FNDC1: variants seen among roughly 807,000 people sequenced by gnomAD.
FNDC1 encodes fibronectin type III domain-containing protein 1.
FNDC1 carries 96 observed loss-of-function variants against 168.0 expected under a neutral mutation model. The ratio of observed to expected loss-of-function variants is 0.57; its 90% CI spans 0.48 to 0.68. FNDC1 has a LOEUF of 0.68. FNDC1 is among the 30% of genes least tolerant of loss of function. The pLI, the probability that FNDC1 is intolerant of heterozygous loss-of-function variation, is 0.00. For missense variants in FNDC1, 2,587 were observed against 2,482.1 expected, an observed-to-expected ratio of 1.04 and a Z score of -0.90; for synonymous variants, 1,099 against 1,025.9, an observed-to-expected ratio of 1.07 and a Z score of -1.36.
rs555110829 is a variant in FNDC1 at position 159,265,948 on chromosome 6, A to C, written c.5285-136A>C. 3 of 855,932 alleles carry C rather than the reference A, an allele frequency of 3.5e-6. No individual in the cohort carries two copies. The Admixed American group carries it at 1.1e-4, about 30-fold the overall frequency. The allele number at this position is 855,932 out of a possible 1,614,324, so 53.0% of individuals were successfully genotyped here. ...ATCAAAAACAAACAAACAAACAACA[A>C]CACAAACAAACAAACAAACAAAAAG... is the stretch of plus-strand genomic sequence containing the variant. On this transcript the variant is annotated intron_variant, in intron 20 of 22. Transcript: ENST00000297267.
At chr6:159,237,623 T>C (rs922544759) in intron 12 of FNDC1, among the ~76,000 whole-genome samples, 1 of 152,234 alleles carries the variant, frequency 6.6e-6, no homozygotes, top group Non-Finnish European at 1.5e-5. Context: ...ATGGAAAGAT[T>C]TTATGTCTTT....
At chr6:159,177,231 G>T (rs542300186) in intron 1 of FNDC1, among the ~76,000 whole-genome samples, 1 of 152,180 alleles carries the variant, frequency 6.6e-6, no homozygotes, top group South Asian at 2.1e-4. Flanking sequence ...AGTTTACTGA[G>T]ACTTTCACTA....
intron 17 of FNDC1, among the ~76,000 whole-genome samples, chr6:159,254,278 G>C (rs950822463): frequency 1.3e-5 from 2 of 152,104 alleles, no homozygotes; most frequent in African/African-American, 4.8e-5. Flanking sequence ...CTCAAGGCTT[G>C]GTCCTGGGGC....
rs1156330153 is a variant in FNDC1 at position 159,236,353 on chromosome 6, T to G, written c.4068+38T>G. The G allele has an allele frequency of 2.1e-6, 3 of 1,424,936 alleles. No individual in the cohort carries two copies. In the Admixed American group the frequency reaches 5.2e-5, roughly 25 times the overall value. The allele number at this position is 1,424,936 out of a possible 1,614,324, so 88.3% of individuals were successfully genotyped here. A position where few individuals can be genotyped will look rare whatever the true frequency, so the allele number is the denominator to read the frequency against. The stretch of plus-strand genomic sequence containing the variant: ...TCTTTACACATCCCCGTTGTTTTCA[T>G]GCTGTTGAGAAGAGAAAAATGGTGG... On this transcript the variant is annotated intron_variant, in intron 12 of 22. Coordinates refer to ENST00000297267, the MANE Select transcript of FNDC1 (RefSeq NM_032532.3).
At position 159,238,574 on chromosome 6, in the gene FNDC1, G is replaced by A; in HGVS notation, c.4089G>A (p.Gly1363=). 6.2e-7 allele frequency: 1 copy of A among 1,611,046 alleles called. No homozygotes were observed. Among genetic ancestry groups the A allele is most frequent in the Admixed American group, 1.7e-5 (1 of 59,704 alleles). The change falls in exon 13 of 23, where the codon GGG becomes GGA. Residue 1363 remains glycine (G), a synonymous_variant. Transcript: ENST00000297267. ...TTTAGGTTGTGGACCTTGATCGTGG[G>A]TTAGTATTGAATGCAGAAGGAAGGT... The part of the protein sequence containing the change: ...GTKWVVDLDR[G]LVLNAEGRYL...
At chr6:159,179,540 C>A (rs1024970588) in intron 1 of FNDC1, among the ~76,000 whole-genome samples, 4 of 152,230 alleles carry the variant, frequency 2.6e-5, no homozygotes, top group Non-Finnish European at 5.9e-5. Flanking sequence ...TCTCAAGAGG[C>A]CTTCTGGACT....
chr6:159,232,594 C>T lies in FNDC1; in HGVS notation c.2082C>T (p.Ala694=). The change falls in exon 11 of 23, where the codon GCC becomes GCT. Residue 694 remains alanine, a synonymous_variant. Coordinates refer to ENST00000297267, the MANE Select transcript of FNDC1 (RefSeq NM_032532.3). The surrounding 1 kb of genome is among the most constrained non-coding windows in gnomAD (Gnocchi z 4.9). ...CTGTGCACCCCGGCGCAAAGCCAGCCTCGCCGGCCCGGAGGACCCCCCATT... is the reference window on the plus strand; with the variant it reads ...CTGTGCACCCCGGCGCAAAGCCAGCTTCGCCGGCCCGGAGGACCCCCCATT... The part of the protein sequence containing the change: ...RSSVHPGAKP[A]SPARRTPHSG... The T allele has an allele frequency of 1.2e-6, 2 of 1,608,118 alleles. No individual in the cohort carries two copies. The highest frequency in any genetic ancestry group is 1.1e-5 in the South Asian group (1 of 90,464).
chr6:159,198,634 C>T (rs970557646), intron 2 of FNDC1, among the ~76,000 whole-genome samples: 1 of 152,218 alleles, frequency 6.6e-6, no homozygotes, highest in Non-Finnish European at 1.5e-5. Flanking sequence ...CAGATCATAT[C>T]TCCTTGCTCA....
chr6:159,191,575 C>G (rs886188356), intron 1 of FNDC1, among the ~76,000 whole-genome samples: 3 of 152,164 alleles, frequency 2.0e-5, no homozygotes, highest in Non-Finnish European at 4.4e-5. Context: ...ACTTCATTAT[C>G]TACAACGATT....
In FNDC1 at chr6:159,249,851, T is replaced by C. The variant is rs181170024; in HGVS notation, c.4834+669T>C. Among the ~76,000 whole-genome samples, 8 of 152,348 alleles carry C rather than the reference T, an allele frequency of 5.3e-5. No individual in the cohort carries two copies. The East Asian group carries it at 1.5e-3, about 29-fold the overall frequency. On this transcript the variant is annotated intron_variant, in intron 16 of 22. Coordinates refer to ENST00000297267, the MANE Select transcript of FNDC1 (RefSeq NM_032532.3). ...GGAGACAAGCAACAGCTTAAACTAA[T>C]ATCACACTTTTCTGTTTCCAAAACA...
rs1341455305 is a variant in FNDC1, at chr6:159,232,375, C to G, written c.1863C>G (p.Ala621=). Residue 621 remains alanine (A), a synonymous_variant, in exon 11 of 23, where the codon GCC becomes GCG. Coordinates refer to ENST00000297267, the MANE Select transcript of FNDC1 (RefSeq NM_032532.3). This position sits in a 1 kb window ranked among gnomAD's most constrained non-coding sequence, Gnocchi z 4.9. ...GAPPSASASP[A]HHASTQGTSH... is the part of the protein sequence containing the mutation. ...CCCCCTCGGCTTCGGCCTCTCCTGC[C>G]CACCACGCGTCCACCCAGGGCACCT... 2.5e-6 allele frequency: 4 copies of G among 1,613,462 alleles called. No individual in the cohort carries two copies. The highest frequency in any genetic ancestry group is 1.6e-4 in the Middle Eastern group (1 of 6,084).
At chr6:159,244,112 A>G (rs1369726601) in intron 14 of FNDC1, among the ~76,000 whole-genome samples, 1 of 152,252 alleles carries the variant, frequency 6.6e-6, no homozygotes, top group African/African-American at 2.4e-5. Context: ...AATGAAAAGA[A>G]ATGACACTGA....
At chr6:159,177,280 TGAA>T (rs1781780737) in intron 1 of FNDC1, among the ~76,000 whole-genome samples, 1 of 152,166 alleles carries the variant, frequency 6.6e-6, no homozygotes, top group Admixed American at 6.5e-5. Context: ...GTGCCACTCT[TGAA>T]GAAGTGTGGA....
Position 159,169,896 on chromosome 6 carries a change from C to G in FNDC1, c.109+191C>G, listed in dbSNP as rs1781614684. 1 of 234,512 alleles carries G rather than the reference C, an allele frequency of 4.3e-6. No individual in the cohort carries two copies. The highest frequency in any genetic ancestry group is 2.3e-5 in the African/African-American group (1 of 43,512). The allele number at this position is 234,512 out of a possible 1,614,324, so 14.5% of individuals were successfully genotyped here. A position where few individuals can be genotyped will look rare whatever the true frequency, so the allele number is the denominator to read the frequency against. ...CGGGGACGCCTCGGTGCCCGGGGAC[C>G]GCAGCGCGCTGGCGTTTAACTTTGC... On this transcript the variant is annotated intron_variant, in intron 1 of 22. Transcript: ENST00000297267. The surrounding 1 kb of genome is among the most constrained non-coding windows in gnomAD (Gnocchi z 6.8).
chr6:159,194,108 C>T (rs1782193657), intron 1 of FNDC1, among the ~76,000 whole-genome samples: 1 of 152,226 alleles, frequency 6.6e-6, no homozygotes, highest in South Asian at 2.1e-4. Context: ...TACCATCTGT[C>T]TCCACTCAAA....
intron 17 of FNDC1, among the ~76,000 whole-genome samples, chr6:159,252,177 G>A (rs187940163): frequency 6.6e-6 from 1 of 152,260 alleles, no homozygotes; most frequent in East Asian, 1.9e-4. Context: ...TGAAATTTAA[G>A]TTCTTATGGA....
chr6:159,251,997 CCTCTTT>C (rs1186228672), intron 17 of FNDC1, among the ~76,000 whole-genome samples: 1 of 152,170 alleles, frequency 6.6e-6, no homozygotes, highest in African/African-American at 2.4e-5. Flanking sequence ...TGTGCCTCTG[CCTCTTT>C]CTCTCCTTTC....
At position 159,239,739 on chromosome 6, in the gene FNDC1, C is replaced by T; in HGVS notation, c.4403C>T (p.Pro1468Leu). 5 of 1,546,048 alleles carry T rather than the reference C, an allele frequency of 3.2e-6. No homozygotes were observed. Among genetic ancestry groups the T allele is most frequent in the East Asian group, 2.4e-5 (1 of 40,858 alleles). Residue 1468 changes from proline (P) to leucine (L), a missense_variant, in exon 14 of 23, where the codon CCC (proline) becomes CTC (leucine). Transcript: ENST00000297267. ...TPLPTTTTPRPTTATTRRTTT... is the reference protein window; with the variant it reads ...TPLPTTTTPRLTTATTRRTTT... ...CTGCCTACCACTACAACCCCGAGGC[C>T]CACCACTGCCACCACCCGCCGCACG...
intron 3 of FNDC1, 59 bp from the exon 4 acceptor site, chr6:159,200,448 CACTGTA>C (rs1352652615): frequency 8.7e-7 from 1 of 1,145,708 alleles, no homozygotes; most frequent in African/African-American, 1.5e-5. Flanking sequence ...ATTATGGATG[CACTGTA>C]ATGTGGAAAA....
Sources: gnomAD v4.1 joint callset for allele counts (sites outside exome capture counted in the v4.1 genomes callset) on GRCh38, gnomAD v4.1.1 for gene constraint, Gnocchi (gnomAD v3.1) non-coding constraint, MANE v1.5 for transcripts, NCBI Gene and HGNC (gene_info 2026-07-23, HGNC 2026-07-21) for gene names.